NPC1: variants seen among roughly 807,000 people sequenced by gnomAD.
The protein encoded by NPC1 is Niemann-Pick C1 protein.
NPC1 carries 85 observed loss-of-function variants against 140.4 expected under a neutral mutation model. That is an observed-to-expected ratio of 0.61 (90% CI 0.51 to 0.72). The LOEUF (loss-of-function observed/expected upper bound fraction) is 0.72. Ranked by LOEUF, NPC1 falls within the 30% of genes least tolerant of loss-of-function variation. The pLI is 0.00. For missense variants in NPC1, 1,504 were observed against 1,623.8 expected, an observed-to-expected ratio of 0.93 and a Z score of 1.27; for synonymous variants, 656 against 624.8, an observed-to-expected ratio of 1.05 and a Z score of -0.74.
chr18:23,567,087 G>A (rs565471116), intron 4 of NPC1, among the ~76,000 whole-genome samples: 1 of 152,318 alleles, frequency 6.6e-6, no homozygotes, highest in East Asian at 1.9e-4. Context: ...CACCTACTGA[G>A]AGAAATCTTG....
chr18:23,522,051 T>A (rs2058156444), downstream of NPC1, among the ~76,000 whole-genome samples: 1 of 152,204 alleles, frequency 6.6e-6, no homozygotes, highest in Non-Finnish European at 1.5e-5. Flanking sequence ...GATTTCCTTG[T>A]ACCGTTCACC....
chr18:23,527,589 CTTTTTTTTTT>C (rs71163615), downstream of NPC1, among the ~76,000 whole-genome samples: 1 of 108,370 alleles, frequency 9.2e-6, no homozygotes, highest in Admixed American at 1.1e-4. Context: ...CCTGCTATAG[CTTTTTTTTTT>C]TTTTTTTTTT....
chr18:23,510,111 C>G (rs2057813431), intron 3 of NPC1, among the ~76,000 whole-genome samples: 2 of 151,108 alleles, frequency 1.3e-5, no homozygotes, highest in Admixed American at 1.3e-4. Context: ...TGGCTTGAGT[C>G]CAGGAGTCTG....
Position 23,582,841 on chromosome 18 carries a change from T to C in NPC1, c.57+3446A>G, listed in dbSNP as rs992006545. 3.3e-5 allele frequency among the ~76,000 whole-genome samples: 5 copies of C among 149,466 alleles called. No homozygotes were observed. In the South Asian group the frequency reaches 8.4e-4, roughly 25 times the overall value. ...AAAAAAGATTCCAGGGCCAGCACGG[T>C]GGCTCATGCTTGTAATCCCAGCACT... On this transcript the variant is annotated intron_variant, in intron 1 of 24. Coordinates refer to ENST00000269228, the MANE Select transcript of NPC1 (RefSeq NM_000271.5).
At chr18:23,560,657 A>G (rs1163701960) in intron 5 of NPC1, among the ~76,000 whole-genome samples, 177 bp from the exon 6 acceptor site, 4 of 152,228 alleles carry the variant, frequency 2.6e-5, no homozygotes, top group Non-Finnish European at 5.9e-5. Flanking sequence ...ATGGAATTTT[A>G]AGTTACCTCA....
chr18:23,516,177 G>C, intron 3 of NPC1: 1 of 1,294,146 alleles, frequency 7.7e-7, no homozygotes, highest in African/African-American at 1.5e-5. Context: ...ATGCTGGGCA[G>C]ACAGGCTGTG....
chr18:23,561,628 T>C (rs1418898948), intron 4 of NPC1, 101 bp from the exon 5 acceptor site: 6 of 1,136,568 alleles, frequency 5.3e-6, no homozygotes, highest in Non-Finnish European at 8.0e-6. Context: ...ACGAACTCCA[T>C]ATGCACCATG....
intron 1 of NPC1, among the ~76,000 whole-genome samples, chr18:23,575,867 G>A (rs556673407): frequency 1.3e-4 from 20 of 150,676 alleles, no homozygotes; most frequent in Admixed American, 4.0e-4. Flanking sequence ...CAGGTGGGTC[G>A]CTTGAGCCCA....
chr18:23,542,951 T>G (rs1046119452), intron 14 of NPC1, among the ~76,000 whole-genome samples: 2 of 152,182 alleles, frequency 1.3e-5, no homozygotes, highest in Non-Finnish European at 2.9e-5. Flanking sequence ...GGAAGCCACT[T>G]GCAAAATCAC....
rs544089597 is a variant in NPC1, at chr18:23,532,219, G to A, written c.3820C>T (p.Arg1274Trp). ...EERYKGTERE[R>W]LLNF ...CGAGAGGGCTAGAAATTTAGAAGCC[G>A]TTCGCGCTCTGTTCCTTTGTATCGC... The change falls in exon 25 of 25, where the codon CGG becomes TGG. Residue 1274 changes from arginine (R) to tryptophan (W), a missense_variant. Coordinates refer to ENST00000269228, the MANE Select transcript of NPC1 (RefSeq NM_000271.5). The A allele has an allele frequency of 1.2e-5, 19 of 1,614,148 alleles. No individual in the cohort carries two copies. The highest frequency in any genetic ancestry group is 1.6e-4 in the Middle Eastern group (1 of 6,062).
rs778002425 is a variant in NPC1, at chr18:23,548,101, G to A, written c.1662C>T (p.Asn554=). 2 of 1,600,956 alleles carry A rather than the reference G, an allele frequency of 1.2e-6. No homozygotes were observed. The highest frequency in any genetic ancestry group is 1.7e-6 in the Non-Finnish European group (2 of 1,168,234). Residue 554 remains asparagine, a synonymous_variant, in exon 11 of 25, where the codon AAC becomes AAT. Coordinates refer to ENST00000269228, the MANE Select transcript of NPC1 (RefSeq NM_000271.5). ...TCACAAGGGCAGTGGCGTTATTGTA[G>A]TTTTGATCTAGAAAGGAAAAATGTG... ...WLVLGGYDDQ[N]YNNATALVIT...
chr18:23,512,489 C>A (rs539051571), intron 3 of NPC1, among the ~76,000 whole-genome samples: 1 of 152,280 alleles, frequency 6.6e-6, no homozygotes, highest in African/African-American at 2.4e-5. Context: ...GGCACAATCA[C>A]GGCTCACTGC....
chr18:23,557,256 T>G (rs918118538), intron 6 of NPC1, 66 bp from the exon 7 acceptor site: 2 of 1,195,324 alleles, frequency 1.7e-6, no homozygotes, highest in Non-Finnish European at 2.5e-6. Flanking sequence ...TTTTGGGACA[T>G]TCCTGTAATC....
intron 3 of NPC1, chr18:23,516,480 T>C: frequency 6.4e-7 from 1 of 1,562,262 alleles, no homozygotes; most frequent in Non-Finnish European, 8.8e-7. Flanking sequence ...ATATAAATAA[T>C]AGAAGGAGTG....
chr18:23,512,842 A>G (rs2057899229), intron 3 of NPC1, among the ~76,000 whole-genome samples: 1 of 152,316 alleles, frequency 6.6e-6, no homozygotes, highest in Admixed American at 6.5e-5. Context: ...TTGTTATGAA[A>G]TAGCTCCAGA....
downstream of NPC1, among the ~76,000 whole-genome samples, chr18:23,517,367 C>T (rs1483810998): frequency 6.6e-6 from 1 of 152,132 alleles, no homozygotes; most frequent in East Asian, 1.9e-4. Context: ...CCAGGGTGGT[C>T]TCGGTCTCTT....
At chr18:23,541,719 A>G (rs2145385022) in intron 14 of NPC1, among the ~76,000 whole-genome samples, 1 of 152,338 alleles carries the variant, frequency 6.6e-6, no homozygotes. Flanking sequence ...CACACACATT[A>G]AAATTTGAGA....
intron 3 of NPC1, among the ~76,000 whole-genome samples, chr18:23,512,521 C>T (rs1218761974): frequency 4.0e-5 from 6 of 151,890 alleles, no homozygotes; most frequent in Non-Finnish European, 7.4e-5. Flanking sequence ...CCTAGCCTCA[C>T]GTAGTCCTCC....
chr18:23,582,104 A>G (rs2059363818), intron 1 of NPC1: 1 of 152,164 alleles, frequency 6.6e-6, no homozygotes, highest in African/African-American at 2.4e-5. Flanking sequence ...TTGATAACAC[A>G]CTACCTTAGG....
Sources: allele counts gnomAD v4.1 joint callset (sites outside exome capture counted in the v4.1 genomes callset), GRCh38; gene constraint gnomAD v4.1.1; transcripts MANE v1.5; gene names NCBI Gene and HGNC (gene_info 2026-07-23, HGNC 2026-07-21).